ZDHHC21: variants seen among roughly 807,000 people sequenced by gnomAD.
The protein encoded by ZDHHC21 is zDHHC palmitoyltransferase 21.
ZDHHC21 carries 15 observed loss-of-function variants against 34.6 expected under a neutral mutation model. That is an observed-to-expected ratio of 0.43 (90% CI 0.29 to 0.67). The LOEUF (loss-of-function observed/expected upper bound fraction) is 0.67. Among genes scored for constraint, ZDHHC21 ranks in the 30% least tolerant of loss-of-function variants. The pLI is 0.14. For missense variants in ZDHHC21, 344 were observed against 327.7 expected, an observed-to-expected ratio of 1.05 and a Z score of -0.38; for synonymous variants, 142 against 101.8, an observed-to-expected ratio of 1.40 and a Z score of -2.38.
intron 8 of ZDHHC21, among the ~76,000 whole-genome samples, chr9:14,639,084 G>A (rs1176603856): frequency 1.3e-5 from 2 of 151,950 alleles, no homozygotes; most frequent in African/African-American, 4.8e-5. Context: ...CTATTCACAA[G>A]AGCAAGGATA....
At chr9:14,594,490 C>T in the ZDHHC21 span, among the ~76,000 whole-genome samples, 1 of 152,076 alleles carries the variant, frequency 6.6e-6, no homozygotes, top group Non-Finnish European at 1.5e-5. Context: ...CTGACACAAC[C>T]GGATTATCTA....
chr9:14,621,050 G>A (rs1166553655), intron 8 of ZDHHC21, among the ~76,000 whole-genome samples: 1 of 151,924 alleles, frequency 6.6e-6, no homozygotes, highest in Non-Finnish European at 1.5e-5. Flanking sequence ...TGGGCTTCAG[G>A]TTCCACATCT....
At chr9:14,594,280 A>G in the ZDHHC21 span, 1 of 152,226 alleles carries the variant, frequency 6.6e-6, no homozygotes, top group African/African-American at 2.4e-5. Context: ...TAATTTTGAA[A>G]GAAAAGAACA....
intron 6 of ZDHHC21, among the ~76,000 whole-genome samples, chr9:14,661,705 C>A (rs1388217358): frequency 1.3e-5 from 2 of 152,198 alleles, no homozygotes. Context: ...CTAATTATCA[C>A]TCACATACTT....
Position 14,618,931 on chromosome 9 carries a change from C to T in ZDHHC21, c.*35G>A, listed in dbSNP as rs1363432219. On this transcript the variant is annotated 3_prime_UTR_variant, in exon 10 of 10. Transcript: ENST00000380916. ...CATAAAACCTGTAACGCATTGCCAGCATGGAGGACCCATCTGTGCCCACCA... is the reference window on the plus strand; with the variant it reads ...CATAAAACCTGTAACGCATTGCCAGTATGGAGGACCCATCTGTGCCCACCA... 6.5e-7 allele frequency: 1 copy of T among 1,542,608 alleles called. No homozygotes were observed. The highest frequency in any genetic ancestry group is 2.3e-5 in the East Asian group (1 of 42,696).
intron 8 of ZDHHC21, among the ~76,000 whole-genome samples, chr9:14,627,344 A>G: frequency 6.6e-6 from 1 of 152,138 alleles, no homozygotes; most frequent in East Asian, 1.9e-4. Flanking sequence ...GTAAACATTA[A>G]CTTGCTGAGT....
rs188838605 is a variant in ZDHHC21, at chr9:14,623,172, C to A, written c.622-3490G>T. Among the ~76,000 whole-genome samples, 277 of 146,112 alleles carry A rather than the reference C, an allele frequency of 1.9e-3. 4 individuals carry two copies. The highest frequency in any genetic ancestry group is 6.9e-3 in the African/African-American group (261 of 37,876). The stretch of plus-strand genomic sequence containing the variant: ...AGGCAACAACAAAAAAAAAAACAGA[C>A]AAATGAGATTACATCAAACAAAAAA... On this transcript the variant is annotated intron_variant, in intron 8 of 9. Transcript: ENST00000380916.
In ZDHHC21 at chr9:14,687,398, T is replaced by A. The variant is rs1268533531; in HGVS notation, c.-176+2939A>T. On this transcript the variant is annotated intron_variant, in intron 2 of 9. Coordinates refer to ENST00000380916, the MANE Select transcript of ZDHHC21 (RefSeq NM_178566.6). ...AATAAAAGTAATGCTGGGCCGGGCA[T>A]GGTGGCTCATGCCTGTAATCCCAGC... 1.3e-5 allele frequency among the ~76,000 whole-genome samples: 2 copies of A among 150,714 alleles called. 1 individual carries two copies. Among genetic ancestry groups the A allele is most frequent in the African/African-American group, 5.0e-5 (2 of 40,026 alleles).
intron 8 of ZDHHC21, among the ~76,000 whole-genome samples, chr9:14,638,234 T>C (rs1482031425): frequency 1.3e-5 from 2 of 152,048 alleles, no homozygotes; most frequent in East Asian, 1.9e-4. Context: ...TTCATATATT[T>C]ACAGCCAACT....
chr9:14,690,898 C>G (rs1298259243), intron 1 of ZDHHC21, among the ~76,000 whole-genome samples: 2 of 152,110 alleles, frequency 1.3e-5, no homozygotes, highest in East Asian at 3.9e-4. Context: ...CTACTAGATG[C>G]TAAATTGCCT....
At chr9:14,619,166 A>G (rs1307642499) in intron 9 of ZDHHC21, 68 bp from the exon 10 acceptor site, 1 of 1,506,794 alleles carries the variant, frequency 6.6e-7, no homozygotes, top group East Asian at 2.4e-5. Context: ...CTAAAACAAT[A>G]CAGATTGGCT....
At chr9:14,665,437 CAGG>C (rs1834244780) in intron 5 of ZDHHC21, among the ~76,000 whole-genome samples, 1 of 147,338 alleles carries the variant, frequency 6.8e-6, no homozygotes, top group African/African-American at 2.5e-5. Context: ...GGATATTATC[CAGG>C]AGAACTTCCC....
intron 2 of ZDHHC21, among the ~76,000 whole-genome samples, chr9:14,685,188 C>A (rs10961667): frequency 0.51 from 73,439 of 145,364 alleles, 18,193 homozygotes; most frequent in Middle Eastern, 0.63. Context: ...GCAACAAAAG[C>A]CAAAATTGAC....
rs1438475916 is a variant in ZDHHC21, at chr9:14,618,039, C to T, written c.*927G>A. 1 of 152,390 alleles carries T rather than the reference C, an allele frequency of 6.6e-6. No homozygotes were observed. Among genetic ancestry groups the T allele is most frequent in the Non-Finnish European group, 1.5e-5 (1 of 67,950 alleles). 9.4% of individuals were successfully genotyped at this position (152,390 alleles called of 1,614,324 possible). ...CTCTTTTCAAAAGCACAATATTCCT[C>T]TTTATACTGTACATTATATACTATC... On this transcript the variant is annotated 3_prime_UTR_variant, in exon 10 of 10. Transcript: ENST00000380916.
At chr9:14,661,105 ACTACT>A (rs753393708) in intron 6 of ZDHHC21, among the ~76,000 whole-genome samples, 12 of 152,178 alleles carry the variant, frequency 7.9e-5, no homozygotes, top group Non-Finnish European at 1.6e-4. Flanking sequence ...TATGTCATAC[ACTACT>A]CTATCTTGTT....
At chr9:14,635,541 G>T (rs539594739) in intron 8 of ZDHHC21, among the ~76,000 whole-genome samples, 1 of 152,098 alleles carries the variant, frequency 6.6e-6, no homozygotes, top group Non-Finnish European at 1.5e-5. Context: ...TTCAAAGTGC[G>T]GAACGAAAAA....
intron 7 of ZDHHC21, among the ~76,000 whole-genome samples, chr9:14,641,842 T>G (rs1829432699): frequency 6.8e-6 from 1 of 146,822 alleles, no homozygotes; most frequent in Non-Finnish European, 1.5e-5. Flanking sequence ...AGAGTGCTGT[T>G]GTTTTTATTA....
intron 2 of ZDHHC21, among the ~76,000 whole-genome samples, chr9:14,689,676 T>C (rs1046477763): frequency 1.3e-5 from 2 of 152,212 alleles, no homozygotes; most frequent in African/African-American, 4.8e-5. Context: ...GTAGTATTAG[T>C]ACTGCTAATA....
chr9:14,692,503 T>C (rs534257367), intron 1 of ZDHHC21, among the ~76,000 whole-genome samples: 33 of 152,272 alleles, frequency 2.2e-4, no homozygotes, highest in African/African-American at 7.7e-4. Context: ...AAAGTAATAA[T>C]TGGTCATGTC....
Sources: gnomAD v4.1 joint callset for allele counts (sites outside exome capture counted in the v4.1 genomes callset) on GRCh38, gnomAD v4.1.1 for gene constraint, MANE v1.5 for transcripts, NCBI Gene and HGNC (gene_info 2026-07-23, HGNC 2026-07-21) for gene names.